The following ANK3 variants were observed in gnomAD, a reference collection of about 807,000 sequenced individuals.
ANK3 encodes the protein ankyrin-3.
In ANK3, 57 loss-of-function variants were observed where a neutral mutation model predicts 370.9. The ratio of observed to expected loss-of-function variants is 0.15; its 90% CI spans 0.12 to 0.19. ANK3 has a LOEUF of 0.19. ANK3 is among the 10% of genes least tolerant of loss of function. The pLI is 1.00. For synonymous variants in ANK3, 1,929 were observed against 1,946.3 expected, an observed-to-expected ratio of 0.99 and a Z score of 0.23; for missense variants, 4,439 against 5,302.1, an observed-to-expected ratio of 0.84 and a Z score of 5.06.
At chr10:60,493,124 A>C (rs1273695264) in intron 2 of ANK3, among the ~76,000 whole-genome samples, 1 of 151,908 alleles carries the variant, frequency 6.6e-6, no homozygotes, top group Non-Finnish European at 1.5e-5. Flanking sequence ...CTGAATTGTA[A>C]GTTTCAAAGA....
intron 1 of ANK3, among the ~76,000 whole-genome samples, chr10:60,356,920 G>A (rs1284821479): frequency 6.6e-6 from 1 of 152,114 alleles, no homozygotes; most frequent in East Asian, 1.9e-4. Flanking sequence ...TGTTGGCCAG[G>A]CTGGTCTTGA....
At chr10:60,219,284 A>G (rs570444148) in intron 8 of ANK3, among the ~76,000 whole-genome samples, 2 of 151,946 alleles carry the variant, frequency 1.3e-5, no homozygotes, top group Non-Finnish European at 2.9e-5. Context: ...ACTTCTGTCA[A>G]TCTGTCCATC....
At chr10:60,150,281 T>C (rs2095046899) in intron 23 of ANK3, among the ~76,000 whole-genome samples, 1 of 152,160 alleles carries the variant, frequency 6.6e-6, no homozygotes, top group South Asian at 2.1e-4. Context: ...GGGCCTGTGC[T>C]TTCCTGTCTC....
chr10:60,396,476 T>C (rs2063242520), intron 2 of ANK3, among the ~76,000 whole-genome samples: 1 of 152,212 alleles, frequency 6.6e-6, no homozygotes, highest in Non-Finnish European at 1.5e-5. Flanking sequence ...ATAGATATGC[T>C]TTGGTAACAC....
chr10:60,565,210 A>C (rs1470779676), intron 2 of ANK3, among the ~76,000 whole-genome samples: 1 of 152,198 alleles, frequency 6.6e-6, no homozygotes, highest in Non-Finnish European at 1.5e-5. Flanking sequence ...ATTTTTCCAC[A>C]GATGGTGGAG....
chr10:60,579,753 A>C (rs1352324264), intron 2 of ANK3, among the ~76,000 whole-genome samples: 1 of 152,242 alleles, frequency 6.6e-6, no homozygotes, highest in Admixed American at 6.5e-5. Flanking sequence ...AACTGAGAAC[A>C]CATATTCCTC....
At chr10:60,358,129 C>T (rs1314802259) in intron 1 of ANK3, among the ~76,000 whole-genome samples, 1 of 151,392 alleles carries the variant, frequency 6.6e-6, no homozygotes. Context: ...CAAACACACA[C>T]ACACACACAC....
At chr10:60,151,043 T>C (rs1424571109) in intron 23 of ANK3, among the ~76,000 whole-genome samples, 1 of 152,192 alleles carries the variant, frequency 6.6e-6, no homozygotes, top group Admixed American at 6.5e-5. Flanking sequence ...AATAGTACTT[T>C]AAATTAGGGT....
At chr10:60,161,834 A>G (rs1434521730) in intron 23 of ANK3, among the ~76,000 whole-genome samples, 2 of 144,316 alleles carry the variant, frequency 1.4e-5, no homozygotes, top group Non-Finnish European at 2.9e-5. Flanking sequence ...TAGGGCAACT[A>G]TAGTTAACAA....
At chr10:60,518,126 A>C (rs574369781) in intron 2 of ANK3, among the ~76,000 whole-genome samples, 1 of 132,874 alleles carries the variant, frequency 7.5e-6, no homozygotes, top group African/African-American at 2.8e-5. Flanking sequence ...CATGGCTAAA[A>C]CTTACTCTAA....
chr10:60,097,844 A>G (rs1360004061), intron 28 of ANK3, among the ~76,000 whole-genome samples: 2 of 152,178 alleles, frequency 1.3e-5, no homozygotes, highest in Non-Finnish European at 1.5e-5. Context: ...AATGGCCTCA[A>G]GGTTTCCCAA....
chr10:60,594,474 T>C (rs1434143144), intron 2 of ANK3, among the ~76,000 whole-genome samples: 1 of 152,176 alleles, frequency 6.6e-6, no homozygotes, highest in Non-Finnish European at 1.5e-5. Flanking sequence ...CCTGATTCTT[T>C]CCAGTCTTAT....
Position 60,029,394 on chromosome 10 carries a change from A to G in ANK3, c.*452T>C, listed in dbSNP as rs2072773467. 1 of 152,652 alleles carries G rather than the reference A, an allele frequency of 6.6e-6. No homozygotes were observed. Among genetic ancestry groups the G allele is most frequent in the South Asian group, 2.1e-4 (1 of 4,834 alleles). 9.5% of individuals were successfully genotyped at this position (152,652 alleles called of 1,614,324 possible). The stretch of plus-strand genomic sequence containing the variant: ...TCGATGTTTTAAAAAAGAAACAAAT[A>G]GTGTTTATACCCTGACAGTTTGGGT... On this transcript the variant is annotated 3_prime_UTR_variant, in exon 44 of 44. Coordinates refer to ENST00000280772, the MANE Select transcript of ANK3 (RefSeq NM_020987.5).
chr10:60,534,153 G>A (rs1169301887), intron 2 of ANK3, among the ~76,000 whole-genome samples: 1 of 152,090 alleles, frequency 6.6e-6, no homozygotes, highest in Non-Finnish European at 1.5e-5. Flanking sequence ...TTTATGACTA[G>A]ATAAGCTAGA....
chr10:60,610,693 G>A (rs2078189077), intron 2 of ANK3, among the ~76,000 whole-genome samples: 1 of 151,990 alleles, frequency 6.6e-6, no homozygotes, highest in South Asian at 2.1e-4. Context: ...CTTGAGCAAA[G>A]CAAATTAAAC....
chr10:60,621,154 G>A (rs1194506534), intron 1 of ANK3, among the ~76,000 whole-genome samples: 2 of 152,108 alleles, frequency 1.3e-5, no homozygotes, highest in African/African-American at 4.8e-5. Flanking sequence ...CACTGCAAAC[G>A]ATGCCAGGCA....
chr10:60,283,333 G>T (rs2098194360), intron 1 of ANK3, among the ~76,000 whole-genome samples: 3 of 151,802 alleles, frequency 2.0e-5, no homozygotes, highest in African/African-American at 2.4e-5. Flanking sequence ...TCTATAGCTG[G>T]TTTTTTTAAC....
chr10:60,076,420 G>T lies in ANK3; in HGVS notation c.4461C>A (p.Ser1487=). 6.2e-7 allele frequency: 1 copy of T among 1,610,814 alleles called. No homozygotes were observed. The highest frequency in any genetic ancestry group is 2.2e-5 in the East Asian group (1 of 44,766). ...MIERSTGATR[S]LPTTYSYKPF... is the part of the protein sequence containing the mutation. ...GCTTGTATGAGTAAGTGGTGGGGAGGGATCTTGTTGCTCCTGTACTCCGTT... is the reference window on the plus strand; with the variant it reads ...GCTTGTATGAGTAAGTGGTGGGGAGTGATCTTGTTGCTCCTGTACTCCGTT... The change falls in exon 37 of 44, where the codon TCC becomes TCA. Residue 1487 remains serine, a synonymous_variant. Transcript: ENST00000280772.
chr10:60,733,411 A>G (rs1269624680), exon 1 of ANK3: 29 of 1,140,976 alleles, frequency 2.5e-5, no homozygotes, highest in Non-Finnish European at 2.8e-5. Flanking sequence ...ACTTCTTGGG[A>G]AAAAGTTCGG....
Sources: gnomAD v4.1 joint callset for allele counts (sites outside exome capture counted in the v4.1 genomes callset) on GRCh38, gnomAD v4.1.1 for gene constraint, MANE v1.5 for transcripts, NCBI Gene and HGNC (gene_info 2026-07-23, HGNC 2026-07-21) for gene names.